Variants in POU6F2 observed in about 807,000 individuals in gnomAD.
The protein encoded by POU6F2 is POU class 6 homeobox 2.
In POU6F2, 31 loss-of-function variants were observed where a neutral mutation model predicts 71.3. That is an observed-to-expected ratio of 0.43 (90% CI 0.33 to 0.59). The LOEUF (loss-of-function observed/expected upper bound fraction) is 0.59. Among genes scored for constraint, POU6F2 ranks in the 20% least tolerant of loss-of-function variants. The probability of loss-of-function intolerance (pLI) is 0.04; values close to 1 mark genes in which losing one functional copy is unlikely to be tolerated. For synonymous variants in POU6F2, 347 were observed against 355.7 expected (o/e 0.98, Z 0.27); for missense variants, 783 against 856.8 (o/e 0.91, Z 1.07).
rs4345472 is a variant in POU6F2 at position 39,287,869 on chromosome 7, G to A, written c.599-51773G>A. Reference sequence around the variant, plus strand: ...TGAATTGAAAACCACTGGCCTTGACGGTATACGCAGCACCCAGCCCAGGGC... The same window carrying A: ...TGAATTGAAAACCACTGGCCTTGACAGTATACGCAGCACCCAGCCCAGGGC... On this transcript the variant is annotated intron_variant, in intron 4 of 9. Transcript: ENST00000518318. Among the ~76,000 whole-genome samples, 338 of 152,008 alleles carry A rather than the reference G, an allele frequency of 2.2e-3. 4 individuals are homozygous for A. In the East Asian group the frequency reaches 0.027, roughly 12 times the overall value.
At chr7:39,299,739 C>T (rs989045737) in intron 4 of POU6F2, among the ~76,000 whole-genome samples, 1 of 152,178 alleles carries the variant, frequency 6.6e-6, no homozygotes, top group South Asian at 2.1e-4. Flanking sequence ...TGTTTCTGCA[C>T]GTGGGTCTTC....
intron 2 of POU6F2, among the ~76,000 whole-genome samples, chr7:39,146,843 G>A (rs551199088): frequency 6.6e-6 from 1 of 152,268 alleles, no homozygotes; most frequent in Non-Finnish European, 1.5e-5. Flanking sequence ...CCCCAGGCAA[G>A]GGGTCTTTCC....
At chr7:39,097,518 A>G (rs574609311) in intron 2 of POU6F2, among the ~76,000 whole-genome samples, 1 of 152,340 alleles carries the variant, frequency 6.6e-6, no homozygotes, top group African/African-American at 2.4e-5. Context: ...CTTTCAAAAC[A>G]AAGGAGAGGT....
chr7:38,997,649 C>T (rs761796448), intron 1 of POU6F2, among the ~76,000 whole-genome samples: 1 of 152,188 alleles, frequency 6.6e-6, no homozygotes, highest in Non-Finnish European at 1.5e-5. Flanking sequence ...CCTAGACCCA[C>T]CAAACACAAA....
intron 4 of POU6F2, among the ~76,000 whole-genome samples, chr7:39,335,251 C>T (rs1342785582): frequency 6.6e-6 from 1 of 152,196 alleles, no homozygotes; most frequent in African/African-American, 2.4e-5. Flanking sequence ...TTTCTCTGTT[C>T]CTTATAATAA....
At chr7:39,084,894 T>C (rs1400399831) in intron 1 of POU6F2, among the ~76,000 whole-genome samples, 1 of 152,116 alleles carries the variant, frequency 6.6e-6, no homozygotes, top group African/African-American at 2.4e-5. Context: ...CCTTTCCTTC[T>C]GCATCCGATA....
chr7:39,427,137 C>T (rs907672018), intron 6 of POU6F2, among the ~76,000 whole-genome samples: 9 of 152,258 alleles, frequency 5.9e-5, no homozygotes, highest in Middle Eastern at 3.4e-3. Flanking sequence ...AATTAAGCTA[C>T]GAATGACCAT....
intron 4 of POU6F2, among the ~76,000 whole-genome samples, chr7:39,322,432 T>C (rs955620899): frequency 6.6e-6 from 1 of 152,218 alleles, no homozygotes; most frequent in Non-Finnish European, 1.5e-5. Context: ...TCTCTCCAGA[T>C]TGAGTGGAAT....
chr7:39,170,914 C>CA lies in POU6F2; in HGVS notation c.278-33312dup, dbSNP rs928204780. 6.5e-4 allele frequency among the ~76,000 whole-genome samples: 88 copies of CA among 136,202 alleles called. 1 individual carries two copies. Among genetic ancestry groups the CA allele is most frequent in the Non-Finnish European group, 8.1e-4 (52 of 64,076 alleles). The allele number at this position is 136,202 out of a possible 152,430, so 89.4% of individuals were successfully genotyped here. On this transcript the variant is annotated intron_variant, in intron 2 of 9. Coordinates refer to ENST00000518318, the MANE Select transcript of POU6F2 (RefSeq NM_001370959.1). ...TCTTAATAAACTTGCTTTCACTTTA[C>CA]AAAAAAAAATCACATGTAACCCAAT...
chr7:39,100,626 A>G (rs1415645713), intron 2 of POU6F2, among the ~76,000 whole-genome samples: 1 of 152,244 alleles, frequency 6.6e-6, no homozygotes, highest in Non-Finnish European at 1.5e-5. Context: ...TTTCAGATTG[A>G]ATTAATGTAC....
At position 39,184,863 on chromosome 7, in the gene POU6F2, C is replaced by T. The variant is rs528577314; in HGVS notation, c.278-19372C>T. Among the ~76,000 whole-genome samples the T allele has an allele frequency of 1.1e-4, 17 of 152,232 alleles. 1 individual carries two copies. Among genetic ancestry groups the T allele is most frequent in the Non-Finnish European group, 2.2e-4 (15 of 68,016 alleles). ...AACAGTAGCATAAGAGCTGTATTTT[C>T]TTTTGAGCAGTAATATGTAACCAGA... On this transcript the variant is annotated intron_variant, in intron 2 of 9. Coordinates refer to ENST00000518318, the MANE Select transcript of POU6F2 (RefSeq NM_001370959.1).
At chr7:39,448,198 C>CTA (rs111907680) in intron 7 of POU6F2, among the ~76,000 whole-genome samples, 3 of 152,252 alleles carry the variant, frequency 2.0e-5, no homozygotes, top group African/African-American at 7.2e-5. Flanking sequence ...TAAGGAAAGA[C>CTA]GTTATGAAGG....
At chr7:39,420,824 T>G (rs1787832516) in intron 6 of POU6F2, among the ~76,000 whole-genome samples, 1 of 152,194 alleles carries the variant, frequency 6.6e-6, no homozygotes, top group African/African-American at 2.4e-5. Flanking sequence ...ACTTTGAAAC[T>G]AACTTTTGAG....
intron 2 of POU6F2, among the ~76,000 whole-genome samples, chr7:39,154,468 G>C (rs1305677150): frequency 6.6e-6 from 1 of 152,186 alleles, no homozygotes; most frequent in African/African-American, 2.4e-5. Context: ...ACTGTTATGT[G>C]CTCATGTGTC....
At chr7:39,305,624 A>C (rs537626369) in intron 4 of POU6F2, among the ~76,000 whole-genome samples, 6 of 152,232 alleles carry the variant, frequency 3.9e-5, no homozygotes, top group African/African-American at 7.2e-5. Context: ...TGAAGTTTCC[A>C]GGTATTATAA....
At chr7:38,997,576 C>A (rs1788775398) in intron 1 of POU6F2, among the ~76,000 whole-genome samples, 1 of 152,166 alleles carries the variant, frequency 6.6e-6, no homozygotes. Flanking sequence ...TCTATTTCCC[C>A]TTGATGATGA....
At chr7:39,160,599 C>G (rs1395350870) in intron 2 of POU6F2, among the ~76,000 whole-genome samples, 1 of 152,148 alleles carries the variant, frequency 6.6e-6, no homozygotes. Context: ...TTTCCTGCTT[C>G]TGGACTTTTG....
intron 2 of POU6F2, among the ~76,000 whole-genome samples, chr7:39,192,175 T>C (rs1793683072): frequency 6.6e-6 from 1 of 152,262 alleles, no homozygotes; most frequent in Non-Finnish European, 1.5e-5. Flanking sequence ...TACAATTTCA[T>C]GCAATGTAAT....
intron 1 of POU6F2, among the ~76,000 whole-genome samples, chr7:39,051,612 T>C (rs1208793265): frequency 6.6e-6 from 1 of 152,116 alleles, no homozygotes; most frequent in East Asian, 1.9e-4. Flanking sequence ...AATAAGGCAT[T>C]TAGTAATATT....
Sources: allele counts gnomAD v4.1 joint callset (sites outside exome capture counted in the v4.1 genomes callset), GRCh38; gene constraint gnomAD v4.1.1; transcripts MANE v1.5; gene names NCBI Gene and HGNC (gene_info 2026-07-23, HGNC 2026-07-21).